Variants in ADORA2B observed in about 807,000 individuals in gnomAD.
ADORA2B encodes the protein adenosine receptor A2b.
ADORA2B carries 18 observed loss-of-function variants against 20.8 expected under a neutral mutation model. The ratio of observed to expected loss-of-function variants is 0.87; its 90% CI spans 0.60 to 1.29. The LOEUF (loss-of-function observed/expected upper bound fraction) is 1.29. Among genes scored for constraint, ADORA2B ranks in the 50% most tolerant of loss-of-function variants. The probability of loss-of-function intolerance (pLI) is 0.00; values close to 1 mark genes in which losing one functional copy is unlikely to be tolerated. For synonymous variants in ADORA2B, 179 were observed against 178.3 expected (o/e 1.00, Z -0.03); for missense variants, 441 against 422.7 (o/e 1.04, Z -0.38).
chr17:15,966,163 G>T (rs2151605965), intron 1 of ADORA2B, among the ~76,000 whole-genome samples: 1 of 152,352 alleles, frequency 6.6e-6, no homozygotes, highest in Non-Finnish European at 1.5e-5. Flanking sequence ...TTTAAAGCTT[G>T]TGAGCTAGAT....
the ADORA2B span, among the ~76,000 whole-genome samples, chr17:15,909,128 C>T: frequency 2.0e-5 from 3 of 151,902 alleles, no homozygotes; most frequent in East Asian, 3.9e-4. Context: ...GTTGGAGGCA[C>T]GGTCAAGTAT....
the ADORA2B span, among the ~76,000 whole-genome samples, chr17:15,854,870 A>G: frequency 1.3e-5 from 2 of 152,040 alleles, no homozygotes; most frequent in Non-Finnish European, 2.9e-5. Flanking sequence ...GCTAAAATCT[A>G]CTGAATGTCT....
At chr17:15,909,688 C>T in the ADORA2B span, among the ~76,000 whole-genome samples, 64 of 152,330 alleles carry the variant, frequency 4.2e-4, no homozygotes, top group African/African-American at 1.5e-3. Context: ...TTGCAGGGTT[C>T]AGCAGGCTGA....
the ADORA2B span, among the ~76,000 whole-genome samples, chr17:15,857,373 C>T: frequency 1.3e-5 from 2 of 152,174 alleles, no homozygotes; most frequent in African/African-American, 4.8e-5. Flanking sequence ...AGGTTGGTGC[C>T]CCCACACAGA....
intron 1 of ADORA2B, among the ~76,000 whole-genome samples, chr17:15,964,150 A>G (rs543925170): frequency 6.6e-6 from 1 of 152,374 alleles, no homozygotes; most frequent in African/African-American, 2.4e-5. Flanking sequence ...CAGGACGCAG[A>G]TGGCAGAGAG....
the ADORA2B span, among the ~76,000 whole-genome samples, chr17:15,939,881 AAG>A: frequency 7.9e-3 from 1,134 of 142,846 alleles, 8 homozygotes; most frequent in Middle Eastern, 0.036. Flanking sequence ...AAAAAAAAAA[AAG>A]AAGTTACATT....
chr17:15,877,595 A>T, the ADORA2B span, among the ~76,000 whole-genome samples: 9 of 152,066 alleles, frequency 5.9e-5, no homozygotes, highest in African/African-American at 2.2e-4. Flanking sequence ...GAGAATGACT[A>T]TCTCAGCCCT....
chr17:15,877,924 T>A, the ADORA2B span, among the ~76,000 whole-genome samples: 40 of 152,152 alleles, frequency 2.6e-4, 1 homozygote, highest in African/African-American at 9.7e-4. Flanking sequence ...TAGTTATTTC[T>A]TGTCCATCAA....
intron 1 of ADORA2B, among the ~76,000 whole-genome samples, chr17:15,961,947 G>C (rs1053826877): frequency 6.6e-6 from 1 of 152,180 alleles, no homozygotes; most frequent in Non-Finnish European, 1.5e-5. Context: ...TGCAGATTAA[G>C]TTTCTAACCC....
chr17:15,936,495 T>C, the ADORA2B span, among the ~76,000 whole-genome samples: 3 of 152,006 alleles, frequency 2.0e-5, no homozygotes, highest in Non-Finnish European at 4.4e-5. Flanking sequence ...ATTTTGTATT[T>C]TTTTAGTAAA....
chr17:15,917,796 G>T, the ADORA2B span, among the ~76,000 whole-genome samples: 67 of 152,340 alleles, frequency 4.4e-4, no homozygotes, highest in Non-Finnish European at 8.4e-4. Flanking sequence ...GCGGGCAGGG[G>T]CGCGCAGTCA....
At chr17:15,853,213 T>C in the ADORA2B span, among the ~76,000 whole-genome samples, 1 of 151,946 alleles carries the variant, frequency 6.6e-6, no homozygotes, top group Non-Finnish European at 1.5e-5. Context: ...TGCAGTGGCG[T>C]CTGCAAAATG....
the ADORA2B span, among the ~76,000 whole-genome samples, chr17:15,853,855 A>T: frequency 6.6e-6 from 1 of 152,200 alleles, no homozygotes; most frequent in Non-Finnish European, 1.5e-5. Context: ...GGACATTAAA[A>T]GACAGGAAAA....
intron 1 of ADORA2B, among the ~76,000 whole-genome samples, chr17:15,973,162 T>C (rs1395949169): frequency 6.6e-6 from 1 of 152,196 alleles, no homozygotes; most frequent in African/African-American, 2.4e-5. Context: ...AAATGTCTTG[T>C]GGTGTTTGTG....
the ADORA2B span, among the ~76,000 whole-genome samples, chr17:15,931,809 G>A: frequency 6.6e-6 from 1 of 152,056 alleles, no homozygotes; most frequent in Non-Finnish European, 1.5e-5. Flanking sequence ...TCAGCTCACT[G>A]CAACTGCTGC....
At chr17:15,861,785 T>C in the ADORA2B span, among the ~76,000 whole-genome samples, 86 of 152,296 alleles carry the variant, frequency 5.6e-4, no homozygotes, top group South Asian at 0.017. Context: ...AGCAAACCTC[T>C]TTCAACTGTT....
the ADORA2B span, among the ~76,000 whole-genome samples, chr17:15,924,605 T>C: frequency 6.6e-6 from 1 of 152,026 alleles, no homozygotes; most frequent in Admixed American, 6.6e-5. Flanking sequence ...TCTGGTGTGG[T>C]GGTGGATGCC....
At chr17:15,855,208 G>A in the ADORA2B span, among the ~76,000 whole-genome samples, 13 of 152,148 alleles carry the variant, frequency 8.5e-5, no homozygotes, top group Non-Finnish European at 1.0e-4. Context: ...TGGGATTACA[G>A]GCATGAGCCA....
At chr17:15,974,514 A>G in intron 1 of ADORA2B, 165 bp from the exon 2 acceptor site, 2 of 593,174 alleles carry the variant, frequency 3.4e-6, no homozygotes, top group East Asian at 5.5e-5. Flanking sequence ...AAAGCTGCTC[A>G]TCCCTGCTTG....
Sources: gnomAD v4.1 joint callset for allele counts (sites outside exome capture counted in the v4.1 genomes callset) on GRCh38, gnomAD v4.1.1 for gene constraint, MANE v1.5 for transcripts, NCBI Gene and HGNC (gene_info 2026-07-23, HGNC 2026-07-21) for gene names.